Variants in NAV1 observed in about 807,000 individuals in gnomAD.
The protein encoded by NAV1 is neuron navigator 1.
NAV1 carries 18 observed loss-of-function variants against 175.2 expected under a neutral mutation model. The ratio of observed to expected loss-of-function variants is 0.10; its 90% CI spans 0.07 to 0.15. The LOEUF (loss-of-function observed/expected upper bound fraction) is 0.15, where lower values mean the gene tolerates loss of function less well. NAV1 is among the 10% of genes least tolerant of loss of function. NAV1 has a pLI of 1.00. For synonymous variants in NAV1, 897 were observed against 978.7 expected (o/e 0.92, Z 1.56); for missense variants, 1,731 against 2,436.6 (o/e 0.71, Z 6.10).
intron 2 of NAV1, among the ~76,000 whole-genome samples, chr1:201,595,539 G>A (rs1667326150): frequency 6.6e-6 from 1 of 152,226 alleles, no homozygotes; most frequent in Non-Finnish European, 1.5e-5. Flanking sequence ...CTGCTCACCA[G>A]GTCCCTCCTC....
At chr1:201,794,299 C>T in intron 14 of NAV1, 167 bp from the exon 19 acceptor site, 1 of 658,772 alleles carries the variant, frequency 1.5e-6, no homozygotes, top group Non-Finnish European at 2.7e-6. Flanking sequence ...TTACAGGTGC[C>T]CGCCACCACG....
intron 1 of NAV1, among the ~76,000 whole-genome samples, chr1:201,711,119 T>A (rs1447934119): frequency 6.6e-6 from 1 of 152,244 alleles, no homozygotes; most frequent in Non-Finnish European, 1.5e-5. Context: ...CTTGCCAGGA[T>A]AAATAGGCAT....
exon 30 of NAV1, chr1:201,823,350 G>A (rs1425518804): frequency 6.7e-6 from 1 of 149,032 alleles, no homozygotes; most frequent in East Asian, 2.0e-4. Flanking sequence ...GCTAATGTGG[G>A]ACCTGATGTC....
intron 1 of NAV1, among the ~76,000 whole-genome samples, chr1:201,653,333 C>T (rs1337530099): frequency 6.6e-6 from 1 of 152,218 alleles, no homozygotes; most frequent in Admixed American, 6.5e-5. Flanking sequence ...GTAAAAGAAC[C>T]CAGGAACCTG....
chr1:201,582,386 G>A (rs973053172), intron 1 of NAV1, among the ~76,000 whole-genome samples: 2 of 152,222 alleles, frequency 1.3e-5, no homozygotes, highest in African/African-American at 4.8e-5. Context: ...AAGCACACAG[G>A]ACCAGTATGG....
At chr1:201,602,230 C>T (rs970289176) in intron 2 of NAV1, among the ~76,000 whole-genome samples, 10 of 152,210 alleles carry the variant, frequency 6.6e-5, no homozygotes. Flanking sequence ...AAGCTCTTTT[C>T]TTTATGTTTC....
At chr1:201,680,281 G>C (rs1371770801) in intron 1 of NAV1, among the ~76,000 whole-genome samples, 2 of 152,124 alleles carry the variant, frequency 1.3e-5, no homozygotes. Context: ...AGGCCGAGGT[G>C]GGCGGATCAC....
In NAV1 at chr1:201,539,793, C is replaced by T. The variant is rs374825611; in HGVS notation, c.-144+451C>T. ...TTCGTTGAAGCAAGAGTTAACTCCT[C>T]CCATCCCAGCAGGAGCCAGAGGAAC... On this transcript the variant is annotated intron_variant, in intron 1 of 33. Transcript: ENST00000685211. This position sits in a 1 kb window ranked among gnomAD's most constrained non-coding sequence, Gnocchi z 5.6. 2.0e-5 allele frequency among the ~76,000 whole-genome samples: 3 copies of T among 152,212 alleles called. No homozygotes were observed. The highest frequency in any genetic ancestry group is 7.2e-5 in the African/African-American group (3 of 41,460).
chr1:201,655,583 G>A (rs1669373616), intron 1 of NAV1, among the ~76,000 whole-genome samples: 2 of 152,204 alleles, frequency 1.3e-5, no homozygotes, highest in African/African-American at 4.8e-5. Flanking sequence ...CCTGAAGGAA[G>A]CAGGACACCA....
chr1:201,732,141 ACT>A (rs2102525292), intron 3 of NAV1, among the ~76,000 whole-genome samples: 1 of 149,674 alleles, frequency 6.7e-6, no homozygotes, highest in South Asian at 2.1e-4. Context: ...GACAAGCATC[ACT>A]CTGTCACCCA....
intron 1 of NAV1, among the ~76,000 whole-genome samples, chr1:201,689,223 C>G (rs1288179133): frequency 6.6e-6 from 1 of 152,102 alleles, no homozygotes; most frequent in Non-Finnish European, 1.5e-5. Context: ...ATTGAGGTGC[C>G]CATCAAAATT....
At chr1:201,679,122 C>T (rs941245291) in intron 1 of NAV1, among the ~76,000 whole-genome samples, 1 of 152,166 alleles carries the variant, frequency 6.6e-6, no homozygotes, top group Non-Finnish European at 1.5e-5. Context: ...GGGAGCCAAC[C>T]TCCTGAGCCT....
chr1:201,648,243 G>T, upstream of NAV1: 1 of 1,023,576 alleles, frequency 9.8e-7, no homozygotes, highest in South Asian at 4.6e-5. Context: ...CCGGCAGTGC[G>T]GTGTCCACGG....
At chr1:201,697,506 T>G (rs1470470873) in intron 1 of NAV1, among the ~76,000 whole-genome samples, 1 of 152,118 alleles carries the variant, frequency 6.6e-6, no homozygotes. Context: ...AACCTTTTCC[T>G]CTTTATCCTC....
intron 1 of NAV1, among the ~76,000 whole-genome samples, chr1:201,540,503 T>C (rs1665482165): frequency 6.6e-6 from 1 of 152,214 alleles, no homozygotes; most frequent in Admixed American, 6.5e-5. Flanking sequence ...TCACTTGTAA[T>C]GGGACTGGAG....
intron 3 of NAV1, among the ~76,000 whole-genome samples, chr1:201,753,159 T>C (rs1419061303): frequency 6.6e-6 from 1 of 152,182 alleles, no homozygotes; most frequent in African/African-American, 2.4e-5. Context: ...AGCATTCACA[T>C]ATCTTAGAAG....
At chr1:201,795,621 C>G (rs1248203859) in intron 15 of NAV1, 2 of 152,168 alleles carry the variant, frequency 1.3e-5, no homozygotes, top group African/African-American at 4.8e-5. Context: ...TTCCACCTCC[C>G]TTTCACACCT....
chr1:201,575,069 G>C (rs1666656673), intron 1 of NAV1, among the ~76,000 whole-genome samples: 1 of 152,238 alleles, frequency 6.6e-6, no homozygotes, highest in Non-Finnish European at 1.5e-5. Flanking sequence ...CTTCAACCTA[G>C]ATGGTGCTTT....
intron 3 of NAV1, among the ~76,000 whole-genome samples, chr1:201,757,085 A>G (rs1019648861): frequency 3.3e-5 from 5 of 152,060 alleles, no homozygotes; most frequent in East Asian, 3.9e-4. Flanking sequence ...CCACAGTGTC[A>G]TAATGTTCAG....
Sources: gnomAD v4.1 joint callset for allele counts (sites outside exome capture counted in the v4.1 genomes callset) on GRCh38, gnomAD v4.1.1 for gene constraint, Gnocchi (gnomAD v3.1) non-coding constraint, MANE v1.5 for transcripts, NCBI Gene and HGNC (gene_info 2026-07-23, HGNC 2026-07-21) for gene names.